CREG1: variants seen among roughly 807,000 people sequenced by gnomAD.
CREG1 encodes protein CREG1.
Under a neutral mutation model 19.9 loss-of-function variants are expected in CREG1, and 20 were observed. The ratio of observed to expected loss-of-function variants is 1.01; its 90% CI spans 0.71 to 1.46. The LOEUF (loss-of-function observed/expected upper bound fraction) is 1.46. CREG1 is among the 40% of genes most tolerant of loss of function. The probability of loss-of-function intolerance (pLI) is 0.00; values close to 1 mark genes in which losing one functional copy is unlikely to be tolerated. For synonymous variants in CREG1, 141 were observed against 143.3 expected (o/e 0.98, Z 0.12); for missense variants, 290 against 314.9 (o/e 0.92, Z 0.60).
chr1:167,546,100 C>A lies in CREG1; in HGVS notation c.659+1G>T. On this transcript the variant is annotated splice_donor_variant, in intron 3 of 3. Transcript: ENST00000370509. LOFTEE classifies it high-confidence loss of function. ...TAGGTGAAAGATGTGTAAGTACTTA[C>A]TGAACTGTGACATTATAATATTCTT... is the stretch of plus-strand genomic sequence containing the variant. 3 of 1,594,314 alleles carry A rather than the reference C, an allele frequency of 1.9e-6. No homozygotes were observed. The highest frequency in any genetic ancestry group is 2.6e-6 in the Non-Finnish European group (3 of 1,170,632).
At chr1:167,552,392 A>C (rs1460297899) in intron 1 of CREG1, among the ~76,000 whole-genome samples, 1 of 152,350 alleles carries the variant, frequency 6.6e-6, no homozygotes, top group South Asian at 2.1e-4. Flanking sequence ...CCTCCATCAA[A>C]TCAGGCTCCA....
chr1:167,542,945 T>C (rs141577666), intron 3 of CREG1, among the ~76,000 whole-genome samples: 97 of 152,284 alleles, frequency 6.4e-4, no homozygotes, highest in Non-Finnish European at 1.0e-3. Flanking sequence ...GCAATGCTTA[T>C]GCTTATAAGA....
At position 167,542,073 on chromosome 1, in the gene CREG1, G is replaced by A; in HGVS notation, c.*225C>T. On this transcript the variant is annotated 3_prime_UTR_variant, in exon 4 of 4. Transcript: ENST00000370509. The stretch of plus-strand genomic sequence containing the variant: ...TGAAGGATATTTCTCTACGAAAATG[G>A]CTTCAAAATAGGAAAAAAGTAGCTA... The A allele has an allele frequency of 6.9e-6, 3 of 432,242 alleles. No homozygotes were observed. Among genetic ancestry groups the A allele is most frequent in the Non-Finnish European group, 8.3e-6 (2 of 241,450 alleles). 26.8% of individuals were successfully genotyped at this position (432,242 alleles called of 1,614,324 possible).
Position 167,553,574 on chromosome 1 carries a change from C to A in CREG1, c.168G>T (p.Ala56=), listed in dbSNP as rs1051541507. Residue 56 remains alanine (A), a synonymous_variant, in exon 1 of 4, where the codon GCG becomes GCT. Transcript: ENST00000370509. The part of the protein sequence containing the change: ...LPPLPPREDA[A]RVARFVTHVS... ...CGTGCGTCACGAAGCGGGCCACGCGCGCCGCGTCCTCGCGGGGTGGTAGCG... is the reference window on the plus strand; with the variant it reads ...CGTGCGTCACGAAGCGGGCCACGCGAGCCGCGTCCTCGCGGGGTGGTAGCG... The A allele has an allele frequency of 1.0e-5, 15 of 1,442,878 alleles. No individual in the cohort carries two copies. Among genetic ancestry groups the A allele is most frequent in the African/African-American group, 1.5e-5 (1 of 67,656 alleles). The allele number at this position is 1,442,878 out of a possible 1,614,324, so 89.4% of individuals were successfully genotyped here. A position where few individuals can be genotyped will look rare whatever the true frequency, so the allele number is the denominator to read the frequency against.
rs780115939 is a variant in CREG1, at chr1:167,553,448, C to G, written c.294G>C (p.Ala98=). The G allele has an allele frequency of 2.0e-6, 3 of 1,481,088 alleles. No individual in the cohort carries two copies. The highest frequency in any genetic ancestry group is 1.3e-5 in the South Asian group (1 of 78,640). 91.7% of individuals were successfully genotyped at this position (1,481,088 alleles called of 1,614,324 possible). A position where few individuals can be genotyped will look rare whatever the true frequency, so the allele number is the denominator to read the frequency against. Residue 98 remains alanine (A), a synonymous_variant, in exon 1 of 4, where the codon GCG becomes GCC. Coordinates refer to ENST00000370509, the MANE Select transcript of CREG1 (RefSeq NM_003851.3). ...VLSLSDGPPG[A]GSGVPYFYLS... ...GGTAGAAATAGGGCACGCCGCTGCCCGCGCCCGGGGGCCCGTCGCTGAGCG... is the reference window on the plus strand; with the variant it reads ...GGTAGAAATAGGGCACGCCGCTGCCGGCGCCCGGGGGCCCGTCGCTGAGCG...
Position 167,542,308 on chromosome 1 carries a change from A to T in CREG1, c.660-7T>A. On this transcript the variant is annotated splice_polypyrimidine_tract_variant and splice_region_variant and intron_variant, in intron 3 of 3. Coordinates refer to ENST00000370509, the MANE Select transcript of CREG1 (RefSeq NM_003851.3). ...TCACCACAGTCTGCTTCACCTAGAA[A>T]GGGGAACAGAGAAGAATTATTTTGT... 1 of 1,602,970 alleles carries T rather than the reference A, an allele frequency of 6.2e-7. No individual in the cohort carries two copies. The highest frequency in any genetic ancestry group is 8.5e-7 in the Non-Finnish European group (1 of 1,176,232).
intron 3 of CREG1, among the ~76,000 whole-genome samples, chr1:167,544,512 A>C (rs545432641): frequency 3.9e-5 from 6 of 152,180 alleles, no homozygotes; most frequent in Non-Finnish European, 8.8e-5. Context: ...GCAGTCAATC[A>C]TTACAAGCAG....
In CREG1 at chr1:167,546,298, T is replaced by C. The variant is rs764819478; in HGVS notation, c.475-13A>G. ...CTGTTTCATTCACCTAAAGGACATATATGAAATAAACATTCTTATGGCAGT... is the reference window on the plus strand; with the variant it reads ...CTGTTTCATTCACCTAAAGGACATACATGAAATAAACATTCTTATGGCAGT... On this transcript the variant is annotated splice_polypyrimidine_tract_variant and intron_variant, in intron 2 of 3. Coordinates refer to ENST00000370509, the MANE Select transcript of CREG1 (RefSeq NM_003851.3). 30 of 1,529,768 alleles carry C rather than the reference T, an allele frequency of 2.0e-5. No individual in the cohort carries two copies. Among genetic ancestry groups the C allele is most frequent in the Non-Finnish European group, 2.5e-5 (28 of 1,122,616 alleles). 94.8% of individuals were successfully genotyped at this position (1,529,768 alleles called of 1,614,324 possible). A position where few individuals can be genotyped will look rare whatever the true frequency, so the allele number is the denominator to read the frequency against.
In CREG1 at chr1:167,545,176, C is replaced by T. The variant is rs186177106; in HGVS notation, c.659+925G>A. Among the ~76,000 whole-genome samples, 63 of 152,224 alleles carry T rather than the reference C, an allele frequency of 4.1e-4. 1 individual carries two copies. The highest frequency in any genetic ancestry group is 1.4e-3 in the African/African-American group (57 of 41,540). On this transcript the variant is annotated intron_variant, in intron 3 of 3. Coordinates refer to ENST00000370509, the MANE Select transcript of CREG1 (RefSeq NM_003851.3). ...CTCAGACTCAGATGAAGGGCATTCA[C>T]AGTCCAGGAGCACCTGAGTCTAAGC...
chr1:167,550,928 C>T (rs563885060), intron 1 of CREG1, among the ~76,000 whole-genome samples: 10 of 151,972 alleles, frequency 6.6e-5, no homozygotes, highest in African/African-American at 2.4e-4. Flanking sequence ...AGAAAAAAAA[C>T]CAAGAGTGAC....
At chr1:167,552,071 C>G (rs916629676) in intron 1 of CREG1, among the ~76,000 whole-genome samples, 1 of 152,158 alleles carries the variant, frequency 6.6e-6, no homozygotes, top group Non-Finnish European at 1.5e-5. Context: ...TAGGCCAAAC[C>G]GGTCTGTGGG....
At chr1:167,550,789 G>A (rs1384462700) in intron 1 of CREG1, among the ~76,000 whole-genome samples, 1 of 152,146 alleles carries the variant, frequency 6.6e-6, no homozygotes, top group Non-Finnish European at 1.5e-5. Context: ...ACACACATCT[G>A]GAAGTGAGTC....
intron 1 of CREG1, among the ~76,000 whole-genome samples, chr1:167,551,088 A>G (rs768600724): frequency 5.9e-5 from 9 of 152,224 alleles, no homozygotes; most frequent in Non-Finnish European, 1.2e-4. Flanking sequence ...ATAAGCTAAC[A>G]TCAGCAACAC....
Position 167,542,310 on chromosome 1 carries a change from G to A in CREG1, c.660-9C>T, listed in dbSNP as rs1297348289. ...ACCACAGTCTGCTTCACCTAGAAAG[G>A]GGAACAGAGAAGAATTATTTTGTTA... On this transcript the variant is annotated splice_polypyrimidine_tract_variant and intron_variant, in intron 3 of 3. Coordinates refer to ENST00000370509, the MANE Select transcript of CREG1 (RefSeq NM_003851.3). 6.2e-7 allele frequency: 1 copy of A among 1,601,120 alleles called. No individual in the cohort carries two copies. Among genetic ancestry groups the A allele is most frequent in the South Asian group, 1.1e-5 (1 of 88,144 alleles).
intron 1 of CREG1, among the ~76,000 whole-genome samples, chr1:167,549,596 G>C (rs1656389854): frequency 6.6e-6 from 1 of 152,120 alleles, no homozygotes; most frequent in Non-Finnish European, 1.5e-5. Flanking sequence ...TGTTGGCCAA[G>C]CTGGTCTTGA....
chr1:167,546,235 G>A lies in CREG1; in HGVS notation c.525C>T (p.His175=). ...DIAKHSLFIR[H]PEMKTWPSSH... The stretch of plus-strand genomic sequence containing the variant: ...TGGAAGGCCAGGTTTTCATCTCAGG[G>A]TGTCGAATGAATAACGAATGCTTTG... Residue 175 remains histidine (H), a synonymous_variant, in exon 3 of 4, where the codon CAC becomes CAT. Transcript: ENST00000370509. The A allele has an allele frequency of 1.2e-6, 2 of 1,611,862 alleles. No individual in the cohort carries two copies. Among genetic ancestry groups the A allele is most frequent in the African/African-American group, 2.7e-5 (2 of 74,920 alleles).
chr1:167,542,833 G>A (rs1004272370), intron 3 of CREG1, among the ~76,000 whole-genome samples: 1 of 152,156 alleles, frequency 6.6e-6, no homozygotes, highest in African/African-American at 2.4e-5. Context: ...ATGACCTTTT[G>A]TTACCTGTGT....
chr1:167,548,532 G>A (rs1264685348), intron 1 of CREG1, among the ~76,000 whole-genome samples: 1 of 152,170 alleles, frequency 6.6e-6, no homozygotes, highest in Non-Finnish European at 1.5e-5. Context: ...CTAACTACGC[G>A]ATTTAAGCAA....
Position 167,541,955 on chromosome 1 carries a change from CA to C in CREG1, c.*342del, listed in dbSNP as rs1656233218. The C allele has an allele frequency of 9.8e-6, 2 of 204,530 alleles. No homozygotes were observed. The highest frequency in any genetic ancestry group is 4.6e-5 in the African/African-American group (2 of 43,018). The allele number at this position is 204,530 out of a possible 1,614,324, so 12.7% of individuals were successfully genotyped here. On this transcript the variant is annotated 3_prime_UTR_variant, in exon 4 of 4. Coordinates refer to ENST00000370509, the MANE Select transcript of CREG1 (RefSeq NM_003851.3). ...CACATACTCAACTACCTTCAAATGCCAATGGGCAATTTAAAACTGGTACTCA... is the reference window on the plus strand; with the variant it reads ...CACATACTCAACTACCTTCAAATGCCATGGGCAATTTAAAACTGGTACTCA...
Sources: allele counts gnomAD v4.1 joint callset (sites outside exome capture counted in the v4.1 genomes callset), GRCh38; gene constraint gnomAD v4.1.1; transcripts MANE v1.5; gene names NCBI Gene and HGNC (gene_info 2026-07-23, HGNC 2026-07-21).